Variants in SORT1 observed in about 807,000 individuals in gnomAD.
SORT1 encodes sortilin 1.
Under a neutral mutation model 101.7 loss-of-function variants are expected in SORT1, and 39 were observed. The ratio of observed to expected loss-of-function variants is 0.38; its 90% CI spans 0.30 to 0.50. The LOEUF is 0.50. Ranked by LOEUF, SORT1 falls within the 20% of genes least tolerant of loss-of-function variation. The pLI is 0.90. For missense variants in SORT1, 878 were observed against 1,040.4 expected (o/e 0.84, Z 2.15); for synonymous variants, 396 against 393.7 (o/e 1.01, Z -0.07).
intron 6 of SORT1, among the ~76,000 whole-genome samples, chr1:109,350,367 A>T (rs1416722885): frequency 6.6e-6 from 1 of 152,256 alleles, no homozygotes; most frequent in Non-Finnish European, 1.5e-5. Flanking sequence ...GAGTGAGGAC[A>T]GAACAAAGGT....
intron 11 of SORT1, among the ~76,000 whole-genome samples, chr1:109,332,897 T>G (rs970719955): frequency 6.6e-6 from 1 of 152,164 alleles, no homozygotes; most frequent in African/African-American, 2.4e-5. Context: ...CTGGGAAAAC[T>G]GAATATCTAT....
intron 1 of SORT1, among the ~76,000 whole-genome samples, chr1:109,395,014 TTA>T (rs1205035679): frequency 1.3e-5 from 2 of 152,080 alleles, no homozygotes; most frequent in African/African-American, 2.4e-5. Flanking sequence ...TCAGGATTTT[TTA>T]TGACTTCTAA....
Position 109,325,111 on chromosome 1 carries a change from G to C in SORT1, c.1644-22C>G, listed in dbSNP as rs753043493. ...GAACCTGAAACCACAATTACAGAAA[G>C]ATCATGACAGAGGATCAATGTGTAC... On this transcript the variant is annotated intron_variant, in intron 13 of 19. Coordinates refer to ENST00000256637, the MANE Select transcript of SORT1 (RefSeq NM_002959.7). The C allele has an allele frequency of 5.8e-6, 9 of 1,551,106 alleles. No homozygotes were observed. In the Admixed American group the frequency reaches 1.6e-4, roughly 27 times the overall value.
At chr1:109,331,206 G>A (rs1424781142) in intron 11 of SORT1, among the ~76,000 whole-genome samples, 1 of 152,134 alleles carries the variant, frequency 6.6e-6, no homozygotes, top group Non-Finnish European at 1.5e-5. Context: ...GAACATAGAT[G>A]CAAAAATTCT....
intron 3 of SORT1, among the ~76,000 whole-genome samples, chr1:109,360,323 A>C (rs922498405): frequency 4.6e-5 from 7 of 152,064 alleles, no homozygotes; most frequent in African/African-American, 1.7e-4. Context: ...GCAACAGTGT[A>C]AGACCCTGTG....
intron 1 of SORT1, among the ~76,000 whole-genome samples, chr1:109,384,199 C>T (rs1212339069): frequency 6.6e-6 from 1 of 152,096 alleles, no homozygotes; most frequent in African/African-American, 2.4e-5. Context: ...CTCAGCAACC[C>T]GGATACTCAC....
At chr1:109,397,551 GC>G (rs1653267955) in intron 1 of SORT1, 35 bp downstream of exon 1, 2 of 1,133,536 alleles carry the variant, frequency 1.8e-6, no homozygotes, top group Admixed American at 1.0e-4. Flanking sequence ...GCGGCACCTC[GC>G]ACCCGAGCGG....
At chr1:109,389,449 C>T (rs908518621) in intron 1 of SORT1, among the ~76,000 whole-genome samples, 1 of 152,194 alleles carries the variant, frequency 6.6e-6, no homozygotes, top group South Asian at 2.1e-4. Flanking sequence ...TGAAACACTT[C>T]CAAATGCAGC....
chr1:109,397,003 C>T (rs961398897), intron 1 of SORT1, among the ~76,000 whole-genome samples: 1 of 152,176 alleles, frequency 6.6e-6, no homozygotes, highest in African/African-American at 2.4e-5. Context: ...ATCTTGTCAC[C>T]ACGGGATATA....
At chr1:109,383,176 A>G (rs1490754051) in intron 1 of SORT1, among the ~76,000 whole-genome samples, 1 of 152,236 alleles carries the variant, frequency 6.6e-6, no homozygotes, top group Non-Finnish European at 1.5e-5. Context: ...GCACTATTGC[A>G]TGTGGGTCAG....
Position 109,351,755 on chromosome 1 carries a change from T to C in SORT1, c.709-753A>G, listed in dbSNP as rs974502469. ...GGATGACACAGTCCGTTTCACTTTC[T>C]TAGGTGGAGTACTTGGACGTGAATG... On this transcript the variant is annotated intron_variant, in intron 5 of 19. Transcript: ENST00000256637. Among the ~76,000 whole-genome samples, 11 of 152,294 alleles carry C rather than the reference T, an allele frequency of 7.2e-5. No homozygotes were observed. The South Asian group carries it at 2.3e-3, about 32-fold the overall frequency.
chr1:109,378,168 T>TA (rs1651979021), intron 1 of SORT1, among the ~76,000 whole-genome samples: 1 of 152,070 alleles, frequency 6.6e-6, no homozygotes, highest in African/African-American at 2.4e-5. Context: ...GCCCAGGAAT[T>TA]CGAAGCTGCA....
rs571772452 is a variant in SORT1 at position 109,329,535 on chromosome 1, G to A, written c.1372-1934C>T. Among the ~76,000 whole-genome samples the A allele has an allele frequency of 1.1e-3, 166 of 152,308 alleles. 1 individual carries two copies. Among genetic ancestry groups the A allele is most frequent in the African/African-American group, 3.8e-3 (159 of 41,570 alleles). ...CCCAAAGAGCTGGGATTACAGGCGT[G>A]AGCCACCATGTCCAGCCGGGGGTGG... On this transcript the variant is annotated intron_variant, in intron 11 of 19. Coordinates refer to ENST00000256637, the MANE Select transcript of SORT1 (RefSeq NM_002959.7).
intron 1 of SORT1, among the ~76,000 whole-genome samples, chr1:109,395,754 A>G (rs970437579): frequency 6.6e-6 from 1 of 152,168 alleles, no homozygotes; most frequent in Non-Finnish European, 1.5e-5. Flanking sequence ...ACATCAATTC[A>G]AACTAACCAG....
At chr1:109,373,645 C>T (rs924931062) in intron 1 of SORT1, among the ~76,000 whole-genome samples, 2 of 152,140 alleles carry the variant, frequency 1.3e-5, no homozygotes, top group South Asian at 2.1e-4. Flanking sequence ...TGTGCCGGTC[C>T]CGCCTAAAAA....
intron 5 of SORT1, among the ~76,000 whole-genome samples, chr1:109,352,109 A>T (rs1302878391): frequency 2.0e-5 from 3 of 152,120 alleles, no homozygotes; most frequent in East Asian, 3.9e-4. Context: ...TAAGGGAAGA[A>T]GATCAGGTCT....
intron 1 of SORT1, among the ~76,000 whole-genome samples, chr1:109,394,591 T>A (rs1398645026): frequency 6.6e-6 from 1 of 152,180 alleles, no homozygotes; most frequent in Non-Finnish European, 1.5e-5. Context: ...AGAAGACAGG[T>A]TAAATGCTAA....
At chr1:109,367,655 C>T (rs1651184096) in intron 2 of SORT1, among the ~76,000 whole-genome samples, 174 bp from the exon 3 acceptor site, 1 of 152,210 alleles carries the variant, frequency 6.6e-6, no homozygotes, top group African/African-American at 2.4e-5. Flanking sequence ...AAGTCCTCAG[C>T]TCATTTTGTT....
intron 9 of SORT1, among the ~76,000 whole-genome samples, chr1:109,341,514 T>C (rs1031444381): frequency 6.6e-6 from 1 of 152,020 alleles, no homozygotes; most frequent in Non-Finnish European, 1.5e-5. Flanking sequence ...GGCCAGCTAA[T>C]TTTTTGTATT....
Sources: gnomAD v4.1 joint callset for allele counts (sites outside exome capture counted in the v4.1 genomes callset) on GRCh38, gnomAD v4.1.1 for gene constraint, MANE v1.5 for transcripts, NCBI Gene and HGNC (gene_info 2026-07-23, HGNC 2026-07-21) for gene names.